The following OPN1LW variants were observed in gnomAD, a reference collection of about 807,000 sequenced individuals.
OPN1LW encodes long-wave-sensitive opsin 1.
Under a neutral mutation model 18.1 loss-of-function variants are expected in OPN1LW, and 4 were observed. That is an observed-to-expected ratio of 0.22 (90% confidence interval 0.11 to 0.51). The LOEUF is 0.51. Among genes scored for constraint, OPN1LW ranks in the 20% least tolerant of loss-of-function variants. The pLI, the probability that OPN1LW is intolerant of heterozygous loss-of-function variation, is 0.97. For missense variants in OPN1LW, 164 were observed against 234.9 expected (o/e 0.70, Z 1.97); for synonymous variants, 86 against 101.2 (o/e 0.85, Z 0.90).
In OPN1LW at chrX:154,149,282, C is replaced by G. The variant is rs1252718929; in HGVS notation, c.113-1374C>G. 4.8e-4 allele frequency among the ~76,000 whole-genome samples: 49 copies of G among 102,513 alleles called. 11 individuals are homozygous for G. Among genetic ancestry groups the G allele is most frequent in the African/African-American group, 2.0e-3 (46 of 23,454 alleles). The allele number at this position is 102,513 out of a possible 115,157, so 89.0% of individuals were successfully genotyped here. On this transcript the variant is annotated intron_variant, in intron 1 of 5. Coordinates refer to ENST00000369951, the MANE Select transcript of OPN1LW (RefSeq NM_020061.6). ...GTGGCTCATGCCTGCAATCCCAGTA[C>G]TTTGGGAGGACAAGGCAGGAGGATC... is the stretch of plus-strand genomic sequence containing the variant.
intron 1 of OPN1LW, among the ~76,000 whole-genome samples, chrX:154,145,925 TA>T (rs1331835774): frequency 2.3e-5 from 1 of 42,578 alleles, no homozygotes; most frequent in Admixed American, 3.1e-4. Context: ...CTTCCCTCTG[TA>T]AATCTTTACT....
chrX:154,156,377 G>T lies in OPN1LW; in HGVS notation c.828G>T (p.Ala276=). Residue 276 remains alanine, a synonymous_variant, in exon 5 of 6, where the codon GCG becomes GCT. Transcript: ENST00000369951. Reference sequence around the variant, plus strand: ...GCATGGTGGTGGTGATGATCTTTGCGTACTGCGTCTGCTGGGGACCCTACA... The same window carrying T: ...GCATGGTGGTGGTGATGATCTTTGCTTACTGCGTCTGCTGGGGACCCTACA... ...VTRMVVVMIF[A]YCVCWGPYTF... 1 of 1,204,946 alleles carries T rather than the reference G, an allele frequency of 8.3e-7. No homozygotes were observed. The highest frequency in any genetic ancestry group is 1.1e-6 in the Non-Finnish European group (1 of 890,437).
intron 1 of OPN1LW, among the ~76,000 whole-genome samples, chrX:154,145,448 GTGAGACTCTTGTCTCAAAACAAAA>G (rs1456309579): frequency 2.6e-4 from 1 of 3,840 alleles, no homozygotes; most frequent in East Asian, 8.1e-3. Context: ...TGGCCACAGA[GTGAGACTCTTGTCTCAAAACAAAA>G]CAAAACAAAA....
chrX:154,148,569 C>A lies in OPN1LW; in HGVS notation c.113-2087C>A, dbSNP rs182291968. ...TACAGGCGTGAGCCACCGCTCCCAGCCGACTGTATCTCTAAATATATAATA... is the reference window on the plus strand; with the variant it reads ...TACAGGCGTGAGCCACCGCTCCCAGACGACTGTATCTCTAAATATATAATA... On this transcript the variant is annotated intron_variant, in intron 1 of 5. Coordinates refer to ENST00000369951, the MANE Select transcript of OPN1LW (RefSeq NM_020061.6). Among the ~76,000 whole-genome samples the A allele has an allele frequency of 8.7e-5, 9 of 103,428 alleles. 2 individuals carry two copies. The highest frequency in any genetic ancestry group is 3.8e-4 in the African/African-American group (9 of 23,790). 89.8% of individuals were successfully genotyped at this position (103,428 alleles called of 115,157 possible).
chrX:154,156,556 C>A (rs1483188092), intron 5 of OPN1LW, 23 bp downstream of exon 5: 1 of 1,193,436 alleles, frequency 8.4e-7, no homozygotes, highest in Non-Finnish European at 1.1e-6. Context: ...ATCAGCAGAT[C>A]CCACTCAAAA....
In OPN1LW at chrX:154,154,664, C is replaced by G; in HGVS notation, c.669C>G (p.Leu223=). The G allele has an allele frequency of 8.4e-6, 10 of 1,193,389 alleles. No individual in the cohort carries two copies. The highest frequency in any genetic ancestry group is 1.1e-5 in the Non-Finnish European group (10 of 883,585). The part of the protein sequence containing the change: ...YPGVQSYMIV[L]MVTCCIIPLA... ...GGGTGCAGTCTTACATGATTGTCCT[C>G]ATGGTCACCTGCTGCATCATCCCAC... Residue 223 remains leucine, a synonymous_variant, in exon 4 of 6, where the codon CTC becomes CTG. Coordinates refer to ENST00000369951, the MANE Select transcript of OPN1LW (RefSeq NM_020061.6).
intron 3 of OPN1LW, among the ~76,000 whole-genome samples, 176 bp from the exon 4 acceptor site, chrX:154,154,397 GA>G: frequency 1.0e-5 from 1 of 95,996 alleles, no homozygotes; most frequent in East Asian, 3.1e-4. Context: ...AAATGTTCTG[GA>G]AGCAGAGGTG....
Position 154,150,964 on chromosome X carries a change from G to C in OPN1LW, c.409+12G>C, listed in dbSNP as rs201015173. 1.5e-3 allele frequency: 1,729 copies of C among 1,181,555 alleles called. 48 individuals are homozygous for C. The highest frequency in any genetic ancestry group is 1.6e-3 in the Middle Eastern group (5 of 3,223). ...CGTCTCCCTGTGTGGTAAGCCAGTC[G>C]GGGCCCAGGCTCGGCGGAAACCACT... is the stretch of plus-strand genomic sequence containing the variant. On this transcript the variant is annotated intron_variant, in intron 2 of 5. Transcript: ENST00000369951.
chrX:154,148,660 CT>C (rs1416371425), intron 1 of OPN1LW, among the ~76,000 whole-genome samples: 1 of 104,844 alleles, frequency 9.5e-6, no homozygotes, highest in Non-Finnish European at 1.9e-5. Context: ...CTCATTTAAA[CT>C]TGGTCATTTC....
At chrX:154,154,111 T>A (rs1329091722) in intron 3 of OPN1LW, among the ~76,000 whole-genome samples, 6 of 96,073 alleles carry the variant, frequency 6.2e-5, no homozygotes, top group Non-Finnish European at 1.2e-4. Flanking sequence ...GGCCTACAGA[T>A]GCACCACTTC....
intron 1 of OPN1LW, among the ~76,000 whole-genome samples, chrX:154,148,847 G>A (rs1254502223): frequency 9.5e-6 from 1 of 105,287 alleles, no homozygotes; most frequent in Admixed American, 9.7e-5. Context: ...GGATGAATGA[G>A]TCAAAGTCTC....
chrX:154,154,609 C>A lies in OPN1LW; in HGVS notation c.614C>A (p.Pro205Gln). The A allele has an allele frequency of 8.5e-7, 1 of 1,179,144 alleles. No individual in the cohort carries two copies. Among genetic ancestry groups the A allele is most frequent in the African/African-American group, 1.8e-5 (1 of 55,106 alleles). Residue 205 changes from proline (P) to glutamine (Q), a missense_variant, in exon 4 of 6, where the codon CCA becomes CAA. Coordinates refer to ENST00000369951, the MANE Select transcript of OPN1LW (RefSeq NM_020061.6). ...WPHGLKTSCG[P>Q]DVFSGSSYPG... is the part of the protein sequence containing the mutation. ...CACGGCCTGAAGACTTCATGCGGCCCAGACGTGTTCAGCGGCAGCTCGTAC... is the reference window on the plus strand; with the variant it reads ...CACGGCCTGAAGACTTCATGCGGCCAAGACGTGTTCAGCGGCAGCTCGTAC...
At chrX:154,144,423 G>A in intron 1 of OPN1LW, 28 bp downstream of exon 1, 1 of 1,089,060 alleles carries the variant, frequency 9.2e-7, no homozygotes, top group Non-Finnish European at 1.2e-6. Context: ...TGGAGGCTGG[G>A]TGGCTGCACT....
Position 154,150,819 on chromosome X carries a change from G to A in OPN1LW, c.276G>A (p.Leu92=). 1 of 1,200,644 alleles carries A rather than the reference G, an allele frequency of 8.3e-7. No homozygotes were observed. Among genetic ancestry groups the A allele is most frequent in the East Asian group, 3.0e-5 (1 of 33,644 alleles). The change falls in exon 2 of 6, where the codon CTG becomes CTA. Residue 92 remains leucine, a synonymous_variant. Transcript: ENST00000369951. ...KKLRHPLNWI[L]VNLAVADLAE... ...TGCGCCACCCGCTGAACTGGATCCT[G>A]GTGAACCTGGCGGTCGCTGACCTAG...
chrX:154,150,744 C>T lies in OPN1LW; in HGVS notation c.201C>T (p.Ser67=), dbSNP rs782528898. 68 of 1,199,697 alleles carry T rather than the reference C, an allele frequency of 5.7e-5. No individual in the cohort carries two copies. Among genetic ancestry groups the T allele is most frequent in the Non-Finnish European group, 7.4e-5 (66 of 890,678 alleles). Residue 67 remains serine, a synonymous_variant, in exon 2 of 6, where the codon TCC becomes TCT. Coordinates refer to ENST00000369951, the MANE Select transcript of OPN1LW (RefSeq NM_020061.6). ...GGATGATCTTTGTGGTCACTGCATCCGTCTTCACAAATGGGCTTGTGCTGG... is the reference window on the plus strand; with the variant it reads ...GGATGATCTTTGTGGTCACTGCATCTGTCTTCACAAATGGGCTTGTGCTGG... ...SVWMIFVVTA[S]VFTNGLVLAA... is the part of the protein sequence containing the mutation.
chrX:154,144,443 C>T (rs782284714), intron 1 of OPN1LW, 48 bp downstream of exon 1: 14 of 948,488 alleles, frequency 1.5e-5, no homozygotes, highest in African/African-American at 9.3e-5. Context: ...TGGGGGCCAC[C>T]GGCCACCCAC....
At position 154,156,352 on chromosome X, in the gene OPN1LW, G is replaced by T. The variant is rs782151075; in HGVS notation, c.803G>T (p.Arg268Leu). 4 of 1,201,056 alleles carry T rather than the reference G, an allele frequency of 3.3e-6. No individual in the cohort carries two copies. Among genetic ancestry groups the T allele is most frequent in the Non-Finnish European group, 4.5e-6 (4 of 889,578 alleles). ...STQKAEKEVT[R>L]MVVVMIFAYC... ...CAGAAGGCAGAGAAGGAAGTGACGC[G>T]CATGGTGGTGGTGATGATCTTTGCG... The change falls in exon 5 of 6, where the codon CGC becomes CTC. Residue 268 changes from arginine to leucine, a missense_variant. Arg to Leu is a moderately radical substitution (Grantham distance 102). Around this residue, in one of 3 missense-constraint regions of OPN1LW, gnomAD observed 5 missense variants for 16.9 expected, o/e 0.30. Transcript: ENST00000369951.
chrX:154,156,228 C>T, intron 4 of OPN1LW, 66 bp from the exon 5 acceptor site: 2 of 1,149,241 alleles, frequency 1.7e-6, no homozygotes, highest in Non-Finnish European at 1.2e-6. Flanking sequence ...CCACAACTCC[C>T]TATGCCTGGG....
At chrX:154,149,738 G>C (rs1454473791) in intron 1 of OPN1LW, among the ~76,000 whole-genome samples, 1 of 53,896 alleles carries the variant, frequency 1.9e-5, no homozygotes, top group East Asian at 4.9e-4. Flanking sequence ...AAGAGAGCTA[G>C]AGAGCACTCT....
Sources: allele counts gnomAD v4.1 joint callset (sites outside exome capture counted in the v4.1 genomes callset), GRCh38; gene constraint gnomAD v4.1.1; regional missense constraint gnomAD v4.1.1; transcripts MANE v1.5; gene names NCBI Gene and HGNC (gene_info 2026-07-23, HGNC 2026-07-21).